Variants in VCAN observed in about 807,000 individuals in gnomAD.
VCAN encodes the protein versican.
Under a neutral mutation model 245.5 loss-of-function variants are expected in VCAN, and 44 were observed. The observed-to-expected ratio is 0.18, with a 90% CI of 0.14 to 0.23. The LOEUF (loss-of-function observed/expected upper bound fraction) is 0.23, where lower values mean the gene tolerates loss of function less well. Among genes scored for constraint, VCAN ranks in the 10% least tolerant of loss-of-function variants. The pLI is 1.00. For missense variants in VCAN, 3,793 were observed against 4,057.9 expected (o/e 0.93, Z 1.77); for synonymous variants, 1,413 against 1,437.0 (o/e 0.98, Z 0.38).
chr5:83,520,913 T>C lies in VCAN; in HGVS notation c.2607T>C (p.Thr869=), dbSNP rs777243862. 11 of 1,614,050 alleles carry C rather than the reference T, an allele frequency of 6.8e-6. No homozygotes were observed. Among genetic ancestry groups the C allele is most frequent in the Non-Finnish European group, 8.5e-6 (10 of 1,180,010 alleles). Residue 869 remains threonine (T), a synonymous_variant, in exon 7 of 15, where the codon ACT becomes ACC. Transcript: ENST00000265077. ...CTCAAAAGCAGTTAGAGGAGGTTAC[T>C]GATGAAGACATAGCAGCCCATGGAA... is the stretch of plus-strand genomic sequence containing the variant. ...DSTQKQLEEV[T]DEDIAAHGKF...
At position 83,490,183 on chromosome 5, in the gene VCAN, G is replaced by C; in HGVS notation, c.156G>C (p.Leu52Phe). The C allele has an allele frequency of 6.2e-7, 1 of 1,614,112 alleles. No homozygotes were observed. Among genetic ancestry groups the C allele is most frequent in the Non-Finnish European group, 8.5e-7 (1 of 1,180,016 alleles). ...LPCHFSTMPT[L>F]PPSYNTSEFL... is the part of the protein sequence containing the mutation. ...GTCATTTTTCAACGATGCCTACTTTGCCACCCAGTTACAACACCAGTGAAT... is the reference window on the plus strand; with the variant it reads ...GTCATTTTTCAACGATGCCTACTTTCCCACCCAGTTACAACACCAGTGAAT... The change falls in exon 3 of 15, where the codon TTG becomes TTC. Residue 52 changes from leucine (L) to phenylalanine (F), a missense_variant. By Grantham distance (22) the Leu-to-Phe change is conservative (BLOSUM62 0). Transcript: ENST00000265077.
chr5:83,533,576 G>A (rs1746601527), intron 7 of VCAN, among the ~76,000 whole-genome samples: 1 of 152,132 alleles, frequency 6.6e-6, no homozygotes, highest in Admixed American at 6.6e-5. Flanking sequence ...TGGGCAGCAT[G>A]CATGGTTGTG....
chr5:83,482,746 A>G (rs887256160), intron 1 of VCAN, among the ~76,000 whole-genome samples: 1 of 152,120 alleles, frequency 6.6e-6, no homozygotes, highest in Admixed American at 6.5e-5. Flanking sequence ...TGTCTTTTCC[A>G]AAGTCATGCA....
At position 83,548,013 on chromosome 5, in the gene VCAN, C is replaced by T; in HGVS notation, c.9422C>T (p.Thr3141Ile). 1 of 1,614,052 alleles carries T rather than the reference C, an allele frequency of 6.2e-7. No homozygotes were observed. The highest frequency in any genetic ancestry group is 8.5e-7 in the Non-Finnish European group (1 of 1,179,926). ...CHSNPCRNGA[T>I]CVDGFNTFRC... ...TCTAATCCCTGTCGTAATGGAGCCA[C>T]TTGTGTTGATGGTTTTAACACATTC... is the stretch of plus-strand genomic sequence containing the variant. Residue 3141 changes from threonine to isoleucine, a missense_variant, in exon 10 of 15, where the codon ACT becomes ATT. Physicochemically the swap from Thr to Ile is moderately conservative, Grantham distance 89. Around this residue, in one of 5 missense-constraint regions of VCAN, gnomAD observed 205 missense variants for 321.1 expected, o/e 0.64. Transcript: ENST00000265077.
intron 6 of VCAN, among the ~76,000 whole-genome samples, chr5:83,514,855 G>C (rs1745792627): frequency 6.6e-6 from 1 of 152,092 alleles, no homozygotes; most frequent in South Asian, 2.1e-4. Context: ...AATTCTGTAG[G>C]GTAAAATTCA....
At position 83,521,442 on chromosome 5, in the gene VCAN, G is replaced by A. The variant is rs1377024491; in HGVS notation, c.3136G>A (p.Val1046Ile). 1.2e-6 allele frequency: 2 copies of A among 1,614,132 alleles called. No individual in the cohort carries two copies. Among genetic ancestry groups the A allele is most frequent in the Non-Finnish European group, 1.7e-6 (2 of 1,180,024 alleles). The change falls in exon 7 of 15, where the codon GTT (valine) becomes ATT (isoleucine). Residue 1046 changes from valine to isoleucine, a missense_variant. This residue lies in a region of VCAN where 3,182 missense variants were observed against 3,250.3 expected (regional missense o/e 0.98). Transcript: ENST00000265077. ...GAAAGAACAGACTGCAGAGAAACCAGTTCCTGCTCTCAGTTCTACAGCTTG... is the reference window on the plus strand; with the variant it reads ...GAAAGAACAGACTGCAGAGAAACCAATTCCTGCTCTCAGTTCTACAGCTTG... ...PWKEQTAEKP[V>I]PALSSTAWTP... is the part of the protein sequence containing the mutation.
intron 12 of VCAN, among the ~76,000 whole-genome samples, chr5:83,569,646 G>A (rs1031923242): frequency 3.3e-5 from 5 of 152,128 alleles, no homozygotes; most frequent in Admixed American, 6.5e-5. Context: ...AAATGAGAGA[G>A]TAATGCACAG....
intron 6 of VCAN, among the ~76,000 whole-genome samples, chr5:83,516,553 C>T (rs1745864488): frequency 6.6e-6 from 1 of 152,174 alleles, no homozygotes; most frequent in Non-Finnish European, 1.5e-5. Flanking sequence ...ACAAAAATGC[C>T]ATAAGTACAG....
intron 6 of VCAN, among the ~76,000 whole-genome samples, chr5:83,516,949 C>CT (rs1360652825): frequency 6.6e-6 from 1 of 152,202 alleles, no homozygotes; most frequent in Non-Finnish European, 1.5e-5. Flanking sequence ...AAAAGGAAGT[C>CT]TGAGGTTTTC....
In VCAN at chr5:83,512,290, G is replaced by T; in HGVS notation, c.936G>T (p.Arg312Ser). Reference sequence around the variant, plus strand: ...TGCGCCACCCTGTGACTGTGGCCAGGGCCCAGTGTGGAGGTGGTCTACTTG... The same window carrying T: ...TGCGCCACCCTGTGACTGTGGCCAGTGCCCAGTGTGGAGGTGGTCTACTTG... The part of the protein sequence containing the change: ...ASVRHPVTVA[R>S]AQCGGGLLGV... The change falls in exon 6 of 15, where the codon AGG becomes AGT. Residue 312 changes from arginine (R) to serine (S), a missense_variant. Around this residue, in one of 5 missense-constraint regions of VCAN, gnomAD observed 190 missense variants for 288.6 expected, o/e 0.66. Coordinates refer to ENST00000265077, the MANE Select transcript of VCAN (RefSeq NM_004385.5). 1 of 1,614,104 alleles carries T rather than the reference G, an allele frequency of 6.2e-7. No individual in the cohort carries two copies. The highest frequency in any genetic ancestry group is 1.1e-5 in the South Asian group (1 of 91,072).
intron 5 of VCAN, 49 bp downstream of exon 5, chr5:83,493,980 GGAA>G: frequency 6.2e-7 from 1 of 1,612,822 alleles, no homozygotes; most frequent in Middle Eastern, 1.7e-4. Flanking sequence ...GAAAACTGAG[GGAA>G]GACCAGAAGT....
chr5:83,538,028 G>C lies in VCAN; in HGVS notation c.5025G>C (p.Arg1675Ser), dbSNP rs1746794922. 6.2e-7 allele frequency: 1 copy of C among 1,613,886 alleles called. No individual in the cohort carries two copies. Among genetic ancestry groups the C allele is most frequent in the Admixed American group, 1.7e-5 (1 of 59,964 alleles). ...TDTLITLDTS[R>S]IITESFFEVP... ...CACTCATTACTTTAGACACTAGCAG[G>C]ATAATCACAGAAAGCTTTTTTGAGG... The change falls in exon 8 of 15, where the codon AGG becomes AGC. Residue 1675 changes from arginine to serine, a missense_variant. By Grantham distance (110) the Arg-to-Ser change is moderately radical. Coordinates refer to ENST00000265077, the MANE Select transcript of VCAN (RefSeq NM_004385.5).
chr5:83,521,862 G>A lies in VCAN; in HGVS notation c.3556G>A (p.Glu1186Lys). The stretch of plus-strand genomic sequence containing the variant: ...TATTGATTTAGGCTCAGGATTATTT[G>A]AAAAGCCCAAAGCCACAGAACTCAT... The part of the protein sequence containing the change: ...EDIDLGSGLF[E>K]KPKATELIEF... The change falls in exon 7 of 15, where the codon GAA (glutamate) becomes AAA (lysine). Residue 1186 changes from glutamate to lysine, a missense_variant. By Grantham distance (56) the Glu-to-Lys change is moderately conservative (BLOSUM62 1). Coordinates refer to ENST00000265077, the MANE Select transcript of VCAN (RefSeq NM_004385.5). 1 of 1,614,124 alleles carries A rather than the reference G, an allele frequency of 6.2e-7. No homozygotes were observed. Among genetic ancestry groups the A allele is most frequent in the Non-Finnish European group, 8.5e-7 (1 of 1,180,028 alleles).
chr5:83,536,905 C>T, intron 7 of VCAN, 102 bp from the exon 8 acceptor site: 1 of 955,422 alleles, frequency 1.0e-6, no homozygotes, highest in Non-Finnish European at 1.5e-6. Context: ...GATTTGAATC[C>T]TTCTTTGTGT....
At chr5:83,565,126 T>C (rs1561272735) in intron 12 of VCAN, among the ~76,000 whole-genome samples, 1 of 152,126 alleles carries the variant, frequency 6.6e-6, no homozygotes, top group Non-Finnish European at 1.5e-5. Flanking sequence ...ATTTGTACTT[T>C]TTGCTCAGGC....
At chr5:83,544,216 AG>A (rs1462056458) in intron 8 of VCAN, among the ~76,000 whole-genome samples, 1 of 152,230 alleles carries the variant, frequency 6.6e-6, no homozygotes. Context: ...TAAAATTGTT[AG>A]GGAGATTTCA....
chr5:83,501,031 G>A (rs1745316598), intron 5 of VCAN, among the ~76,000 whole-genome samples: 3 of 152,106 alleles, frequency 2.0e-5, no homozygotes, highest in African/African-American at 7.2e-5. Flanking sequence ...TATCTCTGTG[G>A]TTTTGAATTG....
intron 10 of VCAN, among the ~76,000 whole-genome samples, chr5:83,549,282 CAA>C (rs1747364808): frequency 6.6e-6 from 1 of 152,266 alleles, no homozygotes; most frequent in African/African-American, 2.4e-5. Context: ...ATGAACAAAA[CAA>C]AGTCTCTGAT....
intron 5 of VCAN, among the ~76,000 whole-genome samples, chr5:83,507,727 A>G (rs1745524646): frequency 6.6e-6 from 1 of 152,192 alleles, no homozygotes. Context: ...TTACAATTCT[A>G]TTACTGGCCC....
Sources: gnomAD v4.1 joint callset for allele counts (sites outside exome capture counted in the v4.1 genomes callset) on GRCh38, gnomAD v4.1.1 for gene constraint, gnomAD v4.1.1 regional missense constraint, MANE v1.5 for transcripts, NCBI Gene and HGNC (gene_info 2026-07-23, HGNC 2026-07-21) for gene names.